Variants in TBKBP1 observed in about 807,000 individuals in gnomAD.
TBKBP1 encodes the protein TBK1 binding protein 1, also known as TANK-binding kinase 1-binding protein 1.
TBKBP1 carries 47 observed loss-of-function variants against 69.9 expected under a neutral mutation model. That is an observed-to-expected ratio of 0.67 (90% confidence interval 0.53 to 0.86). TBKBP1 has a LOEUF of 0.86. Ranked by LOEUF, TBKBP1 falls within the 40% of genes least tolerant of loss-of-function variation. The pLI is 0.00. For synonymous variants in TBKBP1, 418 were observed against 390.3 expected (o/e 1.07, Z -0.84); for missense variants, 831 against 858.6 (o/e 0.97, Z 0.40).
rs1167866037 is a variant in TBKBP1 at position 47,699,496 on chromosome 17, G to A, written c.810+1G>A. On this transcript the variant is annotated splice_donor_variant, in intron 6 of 9. Transcript: ENST00000578982. LOFTEE classifies it high-confidence loss of function. ...GCAGCTGCAGGAGACCCGGGCCCAGGTAAATGCAGGGGCCTGGAACAGCTT... is the reference window on the plus strand; with the variant it reads ...GCAGCTGCAGGAGACCCGGGCCCAGATAAATGCAGGGGCCTGGAACAGCTT... The A allele has an allele frequency of 6.3e-7, 1 of 1,586,556 alleles. No homozygotes were observed. The highest frequency in any genetic ancestry group is 8.6e-7 in the Non-Finnish European group (1 of 1,164,874).
intron 7 of TBKBP1, among the ~76,000 whole-genome samples, chr17:47,702,013 C>G (rs189878413): frequency 6.6e-6 from 1 of 152,224 alleles, no homozygotes; most frequent in African/African-American, 2.4e-5. Flanking sequence ...CCTTTCAGGC[C>G]GAGCGAGCAT....
Position 47,708,255 on chromosome 17 carries a change from TGCAA to T in TBKBP1, c.873-138_873-135del. On this transcript the variant is annotated intron_variant, in intron 7 of 9. Coordinates refer to ENST00000578982, the MANE Select transcript of TBKBP1 (RefSeq NM_001394755.1). This position sits in a 1 kb window ranked among gnomAD's most constrained non-coding sequence, Gnocchi z 4.4. ...GGACCTTAAAGGTAGGGAGGATTTCTGCAATTGGGGTAGGAGGGCCCTGCGGGTG... is the reference window on the plus strand; with the variant it reads ...GGACCTTAAAGGTAGGGAGGATTTCTTTGGGGTAGGAGGGCCCTGCGGGTG... The T allele has an allele frequency of 2.5e-6, 2 of 811,222 alleles. No homozygotes were observed. The highest frequency in any genetic ancestry group is 3.9e-6 in the Non-Finnish European group (2 of 511,588). The allele number at this position is 811,222 out of a possible 1,614,324, so 50.3% of individuals were successfully genotyped here. A position where few individuals can be genotyped will look rare whatever the true frequency, so the allele number is the denominator to read the frequency against.
rs914224171 is a variant in TBKBP1 at position 47,696,137 on chromosome 17, A to T, written c.25A>T (p.Ile9Phe). The stretch of plus-strand genomic sequence containing the variant: ...CATGGAGTCCATGTTCGAGGACGAC[A>T]TCAGCATCCTGACGCAGGAGGCCCT... MESMFEDD[I>F]SILTQEALGP... The change falls in exon 2 of 10, where the codon ATC becomes TTC. Residue 9 changes from isoleucine (I) to phenylalanine (F), a missense_variant. Transcript: ENST00000578982. 6 of 1,612,724 alleles carry T rather than the reference A, an allele frequency of 3.7e-6. No individual in the cohort carries two copies. The highest frequency in any genetic ancestry group is 5.1e-6 in the Non-Finnish European group (6 of 1,179,568).
Position 47,711,810 on chromosome 17 carries a change from C to T in TBKBP1, c.*1184C>T, listed in dbSNP as rs1039800319. 3 of 152,570 alleles carry T rather than the reference C, an allele frequency of 2.0e-5. No homozygotes were observed. The highest frequency in any genetic ancestry group is 6.5e-5 in the Admixed American group (1 of 15,278). 9.5% of individuals were successfully genotyped at this position (152,570 alleles called of 1,614,324 possible). A position where few individuals can be genotyped will look rare whatever the true frequency, so the allele number is the denominator to read the frequency against. On this transcript the variant is annotated 3_prime_UTR_variant, in exon 10 of 10. Transcript: ENST00000578982. ...TCAGCTCTGGGTGGGGAGCAGTGGC[C>T]GCTACCGACAGCGCATGTCCCGCTC...
chr17:47,698,620 G>A lies in TBKBP1; in HGVS notation c.479G>A (p.Arg160His), dbSNP rs755814826. The change falls in exon 5 of 10, where the codon CGT becomes CAT. Residue 160 changes from arginine to histidine, a missense_variant. By Grantham distance (29) the Arg-to-His change is conservative (BLOSUM62 0). Coordinates refer to ENST00000578982, the MANE Select transcript of TBKBP1 (RefSeq NM_001394755.1). ...AGGGCCCTGGTGGAGACGCACCTGCGTCAGATCTGTGGTTTGGAGCAGCAG... is the reference window on the plus strand; with the variant it reads ...AGGGCCCTGGTGGAGACGCACCTGCATCAGATCTGTGGTTTGGAGCAGCAG... ...EMRALVETHLRQICGLEQQLR... is the reference protein window; with the variant it reads ...EMRALVETHLHQICGLEQQLR... 39 of 1,598,086 alleles carry A rather than the reference G, an allele frequency of 2.4e-5. No individual in the cohort carries two copies. Among genetic ancestry groups the A allele is most frequent in the Non-Finnish European group, 2.7e-5 (32 of 1,172,550 alleles).
In TBKBP1 at chr17:47,710,757, A is replaced by C; in HGVS notation, c.*131A>C. ...CCCCAGATACCTCCACTTGCTACCGAGTCAACGTGTGTGCCATCTTCCCTG... is the reference window on the plus strand; with the variant it reads ...CCCCAGATACCTCCACTTGCTACCGCGTCAACGTGTGTGCCATCTTCCCTG... On this transcript the variant is annotated 3_prime_UTR_variant, in exon 10 of 10. Transcript: ENST00000578982. 1 of 1,326,888 alleles carries C rather than the reference A, an allele frequency of 7.5e-7. No individual in the cohort carries two copies. The highest frequency in any genetic ancestry group is 1.4e-5 in the South Asian group (1 of 71,786). 82.2% of individuals were successfully genotyped at this position (1,326,888 alleles called of 1,614,324 possible).
intron 9 of TBKBP1, 125 bp from the exon 10 acceptor site, chr17:47,710,373 G>T: frequency 7.7e-7 from 1 of 1,302,078 alleles, no homozygotes. Context: ...CTGAAGAAAG[G>T]GTGGCTGGAC....
At chr17:47,709,733 C>T (rs2031857166) in intron 9 of TBKBP1, among the ~76,000 whole-genome samples, 2 of 152,250 alleles carry the variant, frequency 1.3e-5, no homozygotes, top group African/African-American at 2.4e-5. Context: ...TTCCAAACTC[C>T]ACCGCTTAAT....
intron 7 of TBKBP1, among the ~76,000 whole-genome samples, chr17:47,706,852 C>CACACACAT (rs1265783541): frequency 4.6e-5 from 7 of 151,542 alleles, no homozygotes; most frequent in Admixed American, 2.6e-4. Context: ...CACACACACA[C>CACACACAT]ACACACACAC....
In TBKBP1 at chr17:47,709,279, T is replaced by C. The variant is rs2031830745; in HGVS notation, c.1546T>C (p.Phe516Leu). 8 of 1,525,020 alleles carry C rather than the reference T, an allele frequency of 5.2e-6. No individual in the cohort carries two copies. The highest frequency in any genetic ancestry group is 7.0e-6 in the Non-Finnish European group (8 of 1,144,528). 94.5% of individuals were successfully genotyped at this position (1,525,020 alleles called of 1,614,324 possible). Residue 516 changes from phenylalanine (F) to leucine (L), a missense_variant, in exon 9 of 10, where the codon TTC becomes CTC. Coordinates refer to ENST00000578982, the MANE Select transcript of TBKBP1 (RefSeq NM_001394755.1). The stretch of plus-strand genomic sequence containing the variant: ...CGCCTTCGAGGGCATCCGGCTGCGC[T>C]TCGAGAAGCAGCCGTCGGAGGAGGA... ...RRAFEGIRLR[F>L]EKQPSEEDEW...
Position 47,699,322 on chromosome 17 carries a change from G to A in TBKBP1, c.637G>A (p.Gly213Ser). 1 of 1,524,290 alleles carries A rather than the reference G, an allele frequency of 6.6e-7. No individual in the cohort carries two copies. Among genetic ancestry groups the A allele is most frequent in the Non-Finnish European group, 8.8e-7 (1 of 1,141,590 alleles). 94.4% of individuals were successfully genotyped at this position (1,524,290 alleles called of 1,614,324 possible). Residue 213 changes from glycine (G) to serine (S), a missense_variant and splice_region_variant, in exon 6 of 10, where the codon GGC (glycine) becomes AGC (serine). Physicochemically the swap from Gly to Ser is moderately conservative, Grantham distance 56 (BLOSUM62 0). Transcript: ENST00000578982. ...GACGTTGTCCTGTCCACCGACAGCA[G>A]GCTGGCCGGGCTCCACACCCAGTGT... ...LRGGSGLSHA[G>S]WPGSTPSVSD...
intron 5 of TBKBP1, 61 bp downstream of exon 5, chr17:47,698,836 G>A: frequency 7.1e-7 from 1 of 1,405,826 alleles, no homozygotes. Flanking sequence ...AACATTCCTA[G>A]ACACCTCGCA....
intron 7 of TBKBP1, 46 bp downstream of exon 7, chr17:47,699,743 C>T: frequency 3.1e-6 from 5 of 1,608,510 alleles, no homozygotes; most frequent in Non-Finnish European, 4.3e-6. Flanking sequence ...GTTTGGGAGA[C>T]CTCCCCTCCC....
intron 7 of TBKBP1, among the ~76,000 whole-genome samples, chr17:47,704,291 C>T (rs2031623479): frequency 1.3e-5 from 2 of 152,150 alleles, no homozygotes; most frequent in Non-Finnish European, 2.9e-5. Context: ...CATAGCTGGT[C>T]GAGGAGAGAG....
chr17:47,710,417 G>C lies in TBKBP1; in HGVS notation c.1720-81G>C, dbSNP rs1271529026. On this transcript the variant is annotated intron_variant, in intron 9 of 9. Transcript: ENST00000578982. ...CATGCCACAGCCCTCCCTGCCCTGGGTCCTGGGACAGGGCAGGCTGGGATG... is the reference window on the plus strand; with the variant it reads ...CATGCCACAGCCCTCCCTGCCCTGGCTCCTGGGACAGGGCAGGCTGGGATG... The C allele has an allele frequency of 5.2e-6, 8 of 1,547,334 alleles. No homozygotes were observed. In the East Asian group the frequency reaches 1.8e-4, roughly 36 times the overall value.
chr17:47,705,830 T>A (rs1013732567), intron 7 of TBKBP1, among the ~76,000 whole-genome samples: 1 of 152,136 alleles, frequency 6.6e-6, no homozygotes, highest in Admixed American at 6.5e-5. Context: ...GTCAAGTCAA[T>A]CACCTTGCCG....
chr17:47,696,426 G>C, intron 2 of TBKBP1, 89 bp downstream of exon 2: 1 of 1,444,908 alleles, frequency 6.9e-7, no homozygotes, highest in East Asian at 2.3e-5. Context: ...ATCCAAAAGA[G>C]GGGTCACTGT....
At chr17:47,698,496 G>A (rs2031342888) in intron 4 of TBKBP1, 99 bp from the exon 5 acceptor site, 2 of 1,273,158 alleles carry the variant, frequency 1.6e-6, no homozygotes, top group Non-Finnish European at 2.1e-6. Context: ...GGCTTGGGAT[G>A]TGTGACCTGG....
intron 7 of TBKBP1, among the ~76,000 whole-genome samples, chr17:47,704,280 T>C (rs1231357066): frequency 1.3e-5 from 2 of 152,086 alleles, no homozygotes; most frequent in Non-Finnish European, 2.9e-5. Context: ...ACCCCACCAG[T>C]CATAGCTGGT....
Sources: gnomAD v4.1 joint callset for allele counts (sites outside exome capture counted in the v4.1 genomes callset) on GRCh38, gnomAD v4.1.1 for gene constraint, Gnocchi (gnomAD v3.1) non-coding constraint, MANE v1.5 for transcripts, NCBI Gene and HGNC (gene_info 2026-07-23, HGNC 2026-07-21) for gene names.